ERGIC1: variants seen among roughly 807,000 people sequenced by gnomAD.
ERGIC1 encodes the protein endoplasmic reticulum-golgi intermediate compartment 1, also known as endoplasmic reticulum-Golgi intermediate compartment protein 1.
Under a neutral mutation model 38.3 loss-of-function variants are expected in ERGIC1, and 19 were observed. That is an observed-to-expected ratio of 0.50 (90% confidence interval 0.35 to 0.73). The LOEUF (loss-of-function observed/expected upper bound fraction) is 0.73. Ranked by LOEUF, ERGIC1 falls within the 30% of genes least tolerant of loss-of-function variation. ERGIC1 has a pLI of 0.01. For synonymous variants in ERGIC1, 124 were observed against 157.6 expected (o/e 0.79, Z 1.60); for missense variants, 294 against 389.2 (o/e 0.76, Z 2.06).
chr5:172,834,540 C>T lies in ERGIC1; in HGVS notation c.20+107C>T, dbSNP rs710107. 3.0e-4 allele frequency: 328 copies of T among 1,105,162 alleles called. 2 individuals carry two copies. The African/African-American group carries it at 4.7e-3, about 16-fold the overall frequency. 68.5% of individuals were successfully genotyped at this position (1,105,162 alleles called of 1,614,324 possible). ...CCTGCATGCAAAAGCGGCTCCCCGC[C>T]CTGTGCATGCCTCCGCAGGCCCCTA... On this transcript the variant is annotated intron_variant, in intron 1 of 9. Coordinates refer to ENST00000393784, the MANE Select transcript of ERGIC1 (RefSeq NM_001031711.3). This position sits in a 1 kb window ranked among gnomAD's most constrained non-coding sequence, Gnocchi z 4.1.
At chr5:172,892,438 G>T (rs1762591783) in intron 2 of ERGIC1, among the ~76,000 whole-genome samples, 1 of 152,166 alleles carries the variant, frequency 6.6e-6, no homozygotes, top group Admixed American at 6.5e-5. Flanking sequence ...ACAGCTCAGG[G>T]TTTAAATGTT....
At chr5:172,889,671 A>G (rs1376356067) in intron 2 of ERGIC1, among the ~76,000 whole-genome samples, 3 of 152,248 alleles carry the variant, frequency 2.0e-5, no homozygotes, top group Admixed American at 6.5e-5. Flanking sequence ...ATTGATATCA[A>G]TAAATGGGGG....
chr5:172,846,355 T>G lies in ERGIC1; in HGVS notation c.20+11922T>G, dbSNP rs1378153645. ...GACGCCCAGCACTGGGCACTTTGAG[T>G]CACTTCTGAGCCCAGCAGCGTAAGA... On this transcript the variant is annotated intron_variant, in intron 1 of 9. Coordinates refer to ENST00000393784, the MANE Select transcript of ERGIC1 (RefSeq NM_001031711.3). The surrounding 1 kb of genome is among the most constrained non-coding windows in gnomAD (Gnocchi z 4.0). Among the ~76,000 whole-genome samples, 1 of 148,054 alleles carries G rather than the reference T, an allele frequency of 6.8e-6. No homozygotes were observed. The highest frequency in any genetic ancestry group is 2.4e-5 in the African/African-American group (1 of 41,154).
intron 4 of ERGIC1, among the ~76,000 whole-genome samples, chr5:172,912,369 C>T (rs989068118): frequency 3.3e-5 from 5 of 152,224 alleles, no homozygotes; most frequent in Non-Finnish European, 5.9e-5. Flanking sequence ...TATTATCTTC[C>T]CCACAGGGGT....
At chr5:172,914,152 T>G (rs1314154634) in intron 4 of ERGIC1, among the ~76,000 whole-genome samples, 2 of 149,502 alleles carry the variant, frequency 1.3e-5, no homozygotes, top group African/African-American at 5.0e-5. Context: ...GGAGAATTGC[T>G]TGAATGCAGG....
intron 1 of ERGIC1, among the ~76,000 whole-genome samples, chr5:172,874,731 G>A (rs1406875120): frequency 3.3e-5 from 5 of 151,940 alleles, no homozygotes; most frequent in Non-Finnish European, 5.9e-5. Flanking sequence ...GTTTGAGACA[G>A]CCAGGGCAAC....
intron 1 of ERGIC1, among the ~76,000 whole-genome samples, chr5:172,883,733 A>G (rs1342256193): frequency 1.3e-5 from 2 of 152,098 alleles, no homozygotes; most frequent in African/African-American, 2.4e-5. Context: ...TGTAATCCCA[A>G]TACTTTGGGA....
At chr5:172,843,688 G>T (rs1199771201) in intron 1 of ERGIC1, among the ~76,000 whole-genome samples, 4 of 152,192 alleles carry the variant, frequency 2.6e-5, no homozygotes, top group Non-Finnish European at 5.9e-5. Flanking sequence ...AAACCCCTCT[G>T]GGGACTGACC....
At chr5:172,924,975 C>T (rs915386335) in intron 6 of ERGIC1, among the ~76,000 whole-genome samples, 14 of 152,170 alleles carry the variant, frequency 9.2e-5, no homozygotes, top group Admixed American at 6.5e-5. Flanking sequence ...CGGTGGCTCA[C>T]TCCTGTAATC....
intron 3 of ERGIC1, among the ~76,000 whole-genome samples, chr5:172,900,844 A>C (rs1263566926): frequency 6.6e-6 from 1 of 152,230 alleles, no homozygotes; most frequent in Non-Finnish European, 1.5e-5. Context: ...AGCTGAGGCC[A>C]GATGCTCCAG....
intron 9 of ERGIC1, among the ~76,000 whole-genome samples, chr5:172,945,453 A>G (rs1198749930): frequency 6.6e-6 from 1 of 152,168 alleles, no homozygotes; most frequent in Non-Finnish European, 1.5e-5. Flanking sequence ...CAGAGAGAGA[A>G]TGGAAGTTGA....
intron 9 of ERGIC1, among the ~76,000 whole-genome samples, chr5:172,949,364 C>T (rs1278877029): frequency 6.6e-6 from 1 of 152,186 alleles, no homozygotes; most frequent in Non-Finnish European, 1.5e-5. Context: ...CCTCAGTTTC[C>T]TTGGCTGTGA....
At position 172,843,670 on chromosome 5, in the gene ERGIC1, G is replaced by A. The variant is rs570859630; in HGVS notation, c.20+9237G>A. ...TGGCCACCCTTTCTGAATGGTCTTC[G>A]CCCTTGCAAACCCCTCTGGGGACTG... On this transcript the variant is annotated intron_variant, in intron 1 of 9. Transcript: ENST00000393784. Among the ~76,000 whole-genome samples the A allele has an allele frequency of 9.2e-5, 14 of 152,296 alleles. No homozygotes were observed. In the South Asian group the frequency reaches 2.7e-3, roughly 29 times the overall value.
intron 1 of ERGIC1, among the ~76,000 whole-genome samples, chr5:172,883,516 C>G (rs1047485260): frequency 6.6e-6 from 1 of 152,120 alleles, no homozygotes; most frequent in African/African-American, 2.4e-5. Context: ...TTTTTGTAGA[C>G]TGCCCCTCAC....
chr5:172,948,278 C>T (rs1764165399), intron 9 of ERGIC1, among the ~76,000 whole-genome samples: 2 of 152,348 alleles, frequency 1.3e-5, no homozygotes, highest in Admixed American at 6.5e-5. Context: ...CCCCGCTTAG[C>T]TCATCTCATG....
At chr5:172,887,370 G>A (rs1004275136) in intron 1 of ERGIC1, among the ~76,000 whole-genome samples, 5 of 152,224 alleles carry the variant, frequency 3.3e-5, no homozygotes, top group Admixed American at 2.6e-4. Context: ...TGAAGGAAAC[G>A]AAGCCAAGTG....
intron 1 of ERGIC1, among the ~76,000 whole-genome samples, chr5:172,878,251 CA>C (rs1362165791): frequency 3.3e-5 from 5 of 152,152 alleles, no homozygotes. Context: ...TTGGTGACAT[CA>C]GCATTATGTG....
intron 7 of ERGIC1, among the ~76,000 whole-genome samples, chr5:172,927,786 G>A (rs1453168707): frequency 6.6e-6 from 1 of 152,094 alleles, no homozygotes; most frequent in East Asian, 1.9e-4. Flanking sequence ...TCACCACGTT[G>A]GCCAGGCTGG....
Position 172,896,998 on chromosome 5 carries a change from C to T in ERGIC1, c.83-4C>T. 2 of 1,614,064 alleles carry T rather than the reference C, an allele frequency of 1.2e-6. No homozygotes were observed. The highest frequency in any genetic ancestry group is 1.7e-6 in the Non-Finnish European group (2 of 1,179,914). ...ACAGTTTGCATTTCTGTTGTTTCTT[C>T]CAGTCTCCATCTGCTGCTGCCTCTT... On this transcript the variant is annotated splice_region_variant and splice_polypyrimidine_tract_variant and intron_variant, in intron 2 of 9. Transcript: ENST00000393784.
Sources: gnomAD v4.1 joint callset for allele counts (sites outside exome capture counted in the v4.1 genomes callset) on GRCh38, gnomAD v4.1.1 for gene constraint, Gnocchi (gnomAD v3.1) non-coding constraint, MANE v1.5 for transcripts, NCBI Gene and HGNC (gene_info 2026-07-23, HGNC 2026-07-21) for gene names.